The following SGCZ variants were observed in gnomAD, a reference collection of about 807,000 sequenced individuals.
SGCZ encodes the protein sarcoglycan zeta.
A neutral mutation model predicts 41.3 loss-of-function variants in SGCZ; 40 were observed. The observed-to-expected ratio is 0.97, with a 90% CI of 0.75 to 1.26. The LOEUF (loss-of-function observed/expected upper bound fraction) is 1.26. Among genes scored for constraint, SGCZ ranks in the 50% most tolerant of loss-of-function variants. The pLI, the probability that SGCZ is intolerant of heterozygous loss-of-function variation, is 0.00. For synonymous variants in SGCZ, 206 were observed against 137.5 expected (o/e 1.50, Z -3.49); for missense variants, 552 against 369.8 (o/e 1.49, Z -4.04).
intron 1 of SGCZ, among the ~76,000 whole-genome samples, chr8:15,021,411 C>T (rs1803244144): frequency 6.6e-6 from 1 of 152,168 alleles, no homozygotes; most frequent in Non-Finnish European, 1.5e-5. Context: ...GTTCTAGGGC[C>T]TCACTTACGT....
At chr8:15,121,300 C>T (rs73525081) in intron 1 of SGCZ, among the ~76,000 whole-genome samples, 2,006 of 152,316 alleles carry the variant, frequency 0.013, 36 homozygotes, top group African/African-American at 0.044. Context: ...TTTCCAATTT[C>T]TTCTAATAAG....
At chr8:14,485,940 C>A (rs1422788388) in intron 2 of SGCZ, among the ~76,000 whole-genome samples, 1 of 150,422 alleles carries the variant, frequency 6.6e-6, no homozygotes, top group African/African-American at 2.4e-5. Context: ...TTCCCGGGTT[C>A]GCGCCATTCT....
intron 1 of SGCZ, among the ~76,000 whole-genome samples, chr8:15,061,311 C>T (rs1804919463): frequency 6.7e-6 from 1 of 149,362 alleles, no homozygotes; most frequent in Non-Finnish European, 1.5e-5. Context: ...CATGTTCTCA[C>T]TCATAAGTGG....
chr8:14,631,355 G>T (rs1179411731), intron 1 of SGCZ, among the ~76,000 whole-genome samples: 2 of 152,054 alleles, frequency 1.3e-5, no homozygotes, highest in Admixed American at 6.6e-5. Context: ...ACGTGCTAGA[G>T]TTGACTTGTA....
intron 2 of SGCZ, among the ~76,000 whole-genome samples, chr8:14,403,472 C>G (rs1799132273): frequency 6.6e-6 from 1 of 151,764 alleles, no homozygotes; most frequent in South Asian, 2.1e-4. Flanking sequence ...CCATCAATAC[C>G]TAATTTATTG....
At chr8:14,625,656 C>A (rs1229532118) in intron 1 of SGCZ, among the ~76,000 whole-genome samples, 2 of 151,982 alleles carry the variant, frequency 1.3e-5, no homozygotes, top group Non-Finnish European at 2.9e-5. Context: ...GTCTTGAACT[C>A]CTGGAATTAA....
At chr8:14,422,270 C>T (rs1212193389) in intron 2 of SGCZ, among the ~76,000 whole-genome samples, 1 of 152,056 alleles carries the variant, frequency 6.6e-6, no homozygotes, top group Non-Finnish European at 1.5e-5. Context: ...TAACTAACAG[C>T]AATACAAGGA....
chr8:14,743,212 G>T (rs1280534079), intron 1 of SGCZ, among the ~76,000 whole-genome samples: 1 of 151,804 alleles, frequency 6.6e-6, no homozygotes, highest in Non-Finnish European at 1.5e-5. Context: ...TTTATAGACC[G>T]TATCAAATGT....
chr8:15,065,513 C>T (rs1805103332), intron 1 of SGCZ, among the ~76,000 whole-genome samples: 3 of 151,396 alleles, frequency 2.0e-5, no homozygotes, highest in Non-Finnish European at 4.4e-5. Context: ...GGCAGGATCT[C>T]GGCTCACTGC....
At chr8:14,093,990 G>A (rs1478042) in intron 7 of SGCZ, among the ~76,000 whole-genome samples, 101,212 of 151,810 alleles carry the variant, frequency 0.67, 34,935 homozygotes, top group East Asian at 0.96. Flanking sequence ...ATGGAATTGT[G>A]AAGTGCATGA....
chr8:14,893,053 C>T (rs533552389), intron 1 of SGCZ, among the ~76,000 whole-genome samples: 1 of 152,056 alleles, frequency 6.6e-6, no homozygotes, highest in Non-Finnish European at 1.5e-5. Flanking sequence ...CCTAACTTGC[C>T]GAGAGGGACT....
At chr8:14,610,818 C>T (rs1270176386) in intron 1 of SGCZ, among the ~76,000 whole-genome samples, 2 of 152,156 alleles carry the variant, frequency 1.3e-5, no homozygotes, top group African/African-American at 2.4e-5. Context: ...ACAGATACTT[C>T]ATCTTCAGAA....
chr8:14,777,549 C>T (rs565694106), intron 1 of SGCZ, among the ~76,000 whole-genome samples: 1 of 152,204 alleles, frequency 6.6e-6, no homozygotes, highest in African/African-American at 2.4e-5. Context: ...TTTTAGTCTT[C>T]ATGTATCTTT....
At chr8:14,873,911 G>T (rs1804254635) in intron 1 of SGCZ, among the ~76,000 whole-genome samples, 1 of 152,072 alleles carries the variant, frequency 6.6e-6, no homozygotes, top group African/African-American at 2.4e-5. Context: ...TCTTGGAAGT[G>T]GCAGAGATTT....
chr8:14,543,481 G>T (rs914627769), intron 2 of SGCZ, among the ~76,000 whole-genome samples: 2 of 152,036 alleles, frequency 1.3e-5, no homozygotes, highest in African/African-American at 4.8e-5. Flanking sequence ...TCCTGGAAAA[G>T]TAATTTAAAA....
Position 14,499,881 on chromosome 8 carries a change from A to G in SGCZ, c.234+54851T>C, listed in dbSNP as rs184703179. Among the ~76,000 whole-genome samples, 220 of 152,202 alleles carry G rather than the reference A, an allele frequency of 1.4e-3. 1 individual carries two copies. The highest frequency in any genetic ancestry group is 2.1e-3 in the Non-Finnish European group (142 of 67,966). On this transcript the variant is annotated intron_variant, in intron 2 of 7. Transcript: ENST00000382080. ...TCAAATAGTATGCTTTGAGAAACACATAAATATTTATCAAGGGGAACTTGG... is the reference window on the plus strand; with the variant it reads ...TCAAATAGTATGCTTTGAGAAACACGTAAATATTTATCAAGGGGAACTTGG...
chr8:14,208,257 T>C lies in SGCZ; in HGVS notation c.424+29335A>G, dbSNP rs183243402. On this transcript the variant is annotated intron_variant, in intron 4 of 7. Coordinates refer to ENST00000382080, the MANE Select transcript of SGCZ (RefSeq NM_139167.4). ...TGGATGACAGATAATTTAAAGGCAA[T>C]GCATATAATTAACAGGATTAACATC... 1.5e-3 allele frequency among the ~76,000 whole-genome samples: 226 copies of C among 152,322 alleles called. 1 individual carries two copies. The highest frequency in any genetic ancestry group is 0.01 in the Middle Eastern group (3 of 294).
chr8:15,171,776 T>C (rs1009170451), intron 1 of SGCZ, among the ~76,000 whole-genome samples: 11 of 152,194 alleles, frequency 7.2e-5, no homozygotes, highest in Admixed American at 6.5e-4. Flanking sequence ...ATGTGTCGAA[T>C]AGTACATCTC....
intron 2 of SGCZ, among the ~76,000 whole-genome samples, chr8:14,403,002 C>T (rs956768364): frequency 1.3e-5 from 2 of 149,786 alleles, no homozygotes; most frequent in African/African-American, 5.1e-5. Context: ...AGAGGTCCTT[C>T]ACATCCCTTG....
Sources: gnomAD v4.1 joint callset for allele counts (sites outside exome capture counted in the v4.1 genomes callset) on GRCh38, gnomAD v4.1.1 for gene constraint, MANE v1.5 for transcripts, NCBI Gene and HGNC (gene_info 2026-07-23, HGNC 2026-07-21) for gene names.